The following CPXM2 variants were observed in gnomAD, a reference collection of about 807,000 sequenced individuals.
CPXM2 encodes the protein carboxypeptidase X, M14 family member 2.
A neutral mutation model predicts 86.1 loss-of-function variants in CPXM2; 66 were observed. The observed-to-expected ratio is 0.77, with a 90% CI of 0.63 to 0.94. CPXM2 has a LOEUF of 0.94. Among genes scored for constraint, CPXM2 ranks in the 40% least tolerant of loss-of-function variants. The pLI is 0.00. For synonymous variants in CPXM2, 388 were observed against 400.2 expected (o/e 0.97, Z 0.36); for missense variants, 948 against 1,026.3 (o/e 0.92, Z 1.04).
At position 123,770,933 on chromosome 10, in the gene CPXM2, G is replaced by A. The variant is rs1846614265; in HGVS notation, c.1085C>T (p.Pro362Leu). The change falls in exon 8 of 14, where the codon CCT becomes CTT. Residue 362 changes from proline to leucine, a missense_variant. Coordinates refer to ENST00000241305, the MANE Select transcript of CPXM2 (RefSeq NM_198148.3). ...KLYAVEISDH[P>L]GEHEVGEPEF... ...CTTCTCACCGACTTCATGCTCCCCA[G>A]GGTGATCTGAGATCTCCACAGCATA... 1 of 1,613,400 alleles carries A rather than the reference G, an allele frequency of 6.2e-7. No homozygotes were observed. Among genetic ancestry groups the A allele is most frequent in the East Asian group, 2.2e-5 (1 of 44,814 alleles).
At chr10:123,879,861 AC>A (rs1945051866) in intron 2 of CPXM2, among the ~76,000 whole-genome samples, 2 of 152,170 alleles carry the variant, frequency 1.3e-5, no homozygotes, top group Admixed American at 1.3e-4. Context: ...AGAAATGCAC[AC>A]TGAAGGCCAT....
chr10:123,766,923 G>A, intron 10 of CPXM2, 50 bp downstream of exon 10: 4 of 1,457,314 alleles, frequency 2.7e-6, no homozygotes, highest in Non-Finnish European at 3.9e-6. Context: ...ACCAATGGAG[G>A]TTAAGCCTTG....
chr10:123,864,788 C>T (rs868543536), intron 2 of CPXM2, among the ~76,000 whole-genome samples: 4 of 152,174 alleles, frequency 2.6e-5, no homozygotes, highest in South Asian at 2.1e-4. Flanking sequence ...GAGCACGACT[C>T]CTATGCACGT....
chr10:123,882,381 G>A (rs968232911), intron 1 of CPXM2, among the ~76,000 whole-genome samples: 10 of 152,140 alleles, frequency 6.6e-5, no homozygotes, highest in African/African-American at 2.2e-4. Flanking sequence ...TTCTGTGGGC[G>A]GGAACATCCC....
In CPXM2 at chr10:123,891,481, G is replaced by A. The variant is rs934264986; in HGVS notation, c.179C>T (p.Pro60Leu). 18 of 1,548,732 alleles carry A rather than the reference G, an allele frequency of 1.2e-5. No homozygotes were observed. Among genetic ancestry groups the A allele is most frequent in the East Asian group, 2.5e-5 (1 of 40,808 alleles). The change falls in exon 1 of 14, where the codon CCG becomes CTG. Residue 60 changes from proline (P) to leucine (L), a missense_variant. Coordinates refer to ENST00000241305, the MANE Select transcript of CPXM2 (RefSeq NM_198148.3). This position sits in a 1 kb window ranked among gnomAD's most constrained non-coding sequence, Gnocchi z 5.6. ...CTCCTCCCCGGGCCCCGCAGGCAGCGGCGGAGAGAAGGTCTCGAGCTCGGG... is the reference window on the plus strand; with the variant it reads ...CTCCTCCCCGGGCCCCGCAGGCAGCAGCGGAGAGAAGGTCTCGAGCTCGGG... The part of the protein sequence containing the change: ...PEPELETFSP[P>L]LPAGPGEEWE...
intron 2 of CPXM2, among the ~76,000 whole-genome samples, chr10:123,903,062 T>G (rs1296923443): frequency 6.6e-6 from 1 of 152,192 alleles, no homozygotes; most frequent in Non-Finnish European, 1.5e-5. Flanking sequence ...CGCCTCCTCC[T>G]GGGGGAGCCC....
At chr10:123,772,248 C>G (rs1846654459) in intron 7 of CPXM2, among the ~76,000 whole-genome samples, 3 of 151,882 alleles carry the variant, frequency 2.0e-5, no homozygotes, top group Non-Finnish European at 4.4e-5. Flanking sequence ...ATAGCTATCG[C>G]TACCCTGGTT....
intron 1 of CPXM2, among the ~76,000 whole-genome samples, chr10:123,880,807 T>C (rs920387567): frequency 5.7e-4 from 65 of 114,728 alleles, no homozygotes; most frequent in Admixed American, 4.7e-3. Flanking sequence ...CCAGCCTGGG[T>C]GACAGAGCGA....
intron 6 of CPXM2, among the ~76,000 whole-genome samples, chr10:123,784,996 C>T (rs1176264765): frequency 6.6e-6 from 1 of 152,226 alleles, no homozygotes; most frequent in African/African-American, 2.4e-5. Context: ...AATTTTACTT[C>T]ATCCTCTTCA....
At position 123,935,119 on chromosome 10, in the gene CPXM2, C is replaced by T. The variant is rs542912300; in HGVS notation, n.174+4358G>A. 1.2e-4 allele frequency among the ~76,000 whole-genome samples: 19 copies of T among 152,204 alleles called. 1 individual carries two copies. Among genetic ancestry groups the T allele is most frequent in the South Asian group, 8.3e-4 (4 of 4,820 alleles). On this transcript the variant is annotated intron_variant and non_coding_transcript_variant, in intron 2 of 19. Transcript: ENST00000368854. The stretch of plus-strand genomic sequence containing the variant: ...GGGAAGGTGTGTGCATTGTAAGAGA[C>T]AATCAGGGCAAAGGCCTGTCAGAGC...
intron 3 of CPXM2, among the ~76,000 whole-genome samples, chr10:123,854,155 AAGCAGCTC>A (rs1400737613): frequency 6.6e-6 from 1 of 150,410 alleles, no homozygotes; most frequent in Non-Finnish European, 1.5e-5. Context: ...ATCACTGGAG[AAGCAGCTC>A]TGACTGCTGA....
intron 7 of CPXM2, among the ~76,000 whole-genome samples, chr10:123,777,926 A>G (rs1236466245): frequency 6.6e-6 from 1 of 152,180 alleles, no homozygotes; most frequent in Non-Finnish European, 1.5e-5. Context: ...GTACATATAA[A>G]CCAGCAATTA....
At chr10:123,937,470 AACACACACACACAC>A (rs201368456) in intron 2 of CPXM2, among the ~76,000 whole-genome samples, 2,044 of 132,652 alleles carry the variant, frequency 0.015, 25 homozygotes, top group Middle Eastern at 0.049. Flanking sequence ...ACAACAAAAC[AACACACACACACAC>A]ACACACACAC....
chr10:123,879,198 A>G (rs1017186620), intron 2 of CPXM2, among the ~76,000 whole-genome samples: 1 of 152,190 alleles, frequency 6.6e-6, no homozygotes, highest in Admixed American at 6.5e-5. Flanking sequence ...TTGGTTAGAA[A>G]CACTGCCCCA....
chr10:123,752,213 A>T (rs1846095092), intron 13 of CPXM2: 1 of 985,302 alleles, frequency 1.0e-6, no homozygotes, highest in African/African-American at 1.7e-5. Flanking sequence ...CCAGCTATGC[A>T]ATCTACATTT....
In CPXM2 at chr10:123,842,424, T is replaced by A; in HGVS notation, c.578A>T (p.Gln193Leu). 6.2e-7 allele frequency: 1 copy of A among 1,614,228 alleles called. No homozygotes were observed. The highest frequency in any genetic ancestry group is 8.5e-7 in the Non-Finnish European group (1 of 1,180,044). Residue 193 changes from glutamine to leucine, a missense_variant, in exon 4 of 14, where the codon CAG becomes CTG. Transcript: ENST00000241305. The stretch of plus-strand genomic sequence containing the variant: ...GCGCCGAGCATCCACTTCAATCCAC[T>A]GCTGGAGGTCATTTCTTCCCGCGCA... Reference protein sequence around the residue: ...AWCAGRNDLQQWIEVDARRLT... With the variant: ...AWCAGRNDLQLWIEVDARRLT...
chr10:123,868,453 G>T (rs749452019), intron 2 of CPXM2, among the ~76,000 whole-genome samples: 6 of 152,198 alleles, frequency 3.9e-5, no homozygotes, highest in Non-Finnish European at 5.9e-5. Context: ...AGAGACGGCA[G>T]AAAGGAGACA....
At chr10:123,769,151 C>A (rs1846566052) in intron 8 of CPXM2, among the ~76,000 whole-genome samples, 1 of 152,172 alleles carries the variant, frequency 6.6e-6, no homozygotes, top group South Asian at 2.1e-4. Flanking sequence ...CAGGGCAAAT[C>A]AGCAGTGACA....
At chr10:123,862,546 A>G in intron 3 of CPXM2, 68 bp downstream of exon 3, 1 of 1,382,964 alleles carries the variant, frequency 7.2e-7, no homozygotes, top group Non-Finnish European at 1.0e-6. Flanking sequence ...GCATTGCCTG[A>G]TCCAAGCTCA....
Sources: gnomAD v4.1 joint callset for allele counts (sites outside exome capture counted in the v4.1 genomes callset) on GRCh38, gnomAD v4.1.1 for gene constraint, Gnocchi (gnomAD v3.1) non-coding constraint, MANE v1.5 for transcripts, NCBI Gene and HGNC (gene_info 2026-07-23, HGNC 2026-07-21) for gene names.